PRDM6: variants seen among roughly 807,000 people sequenced by gnomAD.
PRDM6 encodes the protein PR/SET domain 6.
In PRDM6, 25 loss-of-function variants were observed where a neutral mutation model predicts 60.8. That is an observed-to-expected ratio of 0.41 (90% CI 0.30 to 0.57). The LOEUF (loss-of-function observed/expected upper bound fraction) is 0.57, where lower values mean the gene tolerates loss of function less well. Ranked by LOEUF, PRDM6 falls within the 20% of genes least tolerant of loss-of-function variation. PRDM6 has a pLI of 0.27. For synonymous variants in PRDM6, 407 were observed against 357.4 expected (o/e 1.14, Z -1.57); for missense variants, 839 against 821.3 (o/e 1.02, Z -0.26).
At chr5:123,120,218 G>C (rs190611816) in intron 3 of PRDM6, among the ~76,000 whole-genome samples, 101 of 152,328 alleles carry the variant, frequency 6.6e-4, no homozygotes, top group Middle Eastern at 3.4e-3. Context: ...TTTTAAAGAG[G>C]AACAAATGTG....
At position 123,193,604 on chromosome 5, in the gene PRDM6, C is replaced by A. The variant is rs918995527; in HGVS notation, c.*6403C>A. On this transcript the variant is annotated 3_prime_UTR_variant, in exon 8 of 8. Transcript: ENST00000407847. ...AGTATTTCATGAAAAAGCCTTCCCCCAGTTTAAATGCAGAGGCTAAGGTGA... is the reference window on the plus strand; with the variant it reads ...AGTATTTCATGAAAAAGCCTTCCCCAAGTTTAAATGCAGAGGCTAAGGTGA... The A allele has an allele frequency of 1.1e-4, 16 of 152,174 alleles. No individual in the cohort carries two copies. The highest frequency in any genetic ancestry group is 3.4e-4 in the African/African-American group (14 of 41,450). The allele number at this position is 152,174 out of a possible 1,614,324, so 9.4% of individuals were successfully genotyped here.
intron 3 of PRDM6, among the ~76,000 whole-genome samples, chr5:123,147,618 A>G (rs1765276456): frequency 6.6e-6 from 1 of 152,232 alleles, no homozygotes; most frequent in Non-Finnish European, 1.5e-5. Flanking sequence ...AGAGTACAAC[A>G]TCAAAGAGGG....
At position 123,188,872 on chromosome 5, in the gene PRDM6, A is replaced by G. The variant is rs964984980; in HGVS notation, c.*1671A>G. On this transcript the variant is annotated 3_prime_UTR_variant, in exon 8 of 8. Coordinates refer to ENST00000407847, the MANE Select transcript of PRDM6 (RefSeq NM_001136239.4). ...GCTACCACATTTTAAATGGAATTCA[A>G]CAGGGTCTAATTAATAAGTGTTTAC... 2.0e-5 allele frequency: 3 copies of G among 152,172 alleles called. No homozygotes were observed. Among genetic ancestry groups the G allele is most frequent in the Non-Finnish European group, 2.9e-5 (2 of 68,030 alleles). The allele number at this position is 152,172 out of a possible 1,614,324, so 9.4% of individuals were successfully genotyped here.
chr5:123,162,656 A>G (rs1765661199), intron 5 of PRDM6, among the ~76,000 whole-genome samples: 1 of 152,228 alleles, frequency 6.6e-6, no homozygotes. Context: ...TAAGCCATTG[A>G]CTAAAGTGCT....
At chr5:123,129,481 T>A (rs1764770500) in intron 3 of PRDM6, among the ~76,000 whole-genome samples, 1 of 152,182 alleles carries the variant, frequency 6.6e-6, no homozygotes, top group Non-Finnish European at 1.5e-5. Flanking sequence ...CTGAGGGATT[T>A]CTTATAGAGC....
At chr5:123,143,311 T>G (rs184373601) in intron 3 of PRDM6, among the ~76,000 whole-genome samples, 29 of 152,228 alleles carry the variant, frequency 1.9e-4, no homozygotes, top group African/African-American at 6.5e-4. Flanking sequence ...GCCTGAAGCT[T>G]CTCTATAGAC....
Position 123,131,655 on chromosome 5 carries a change from A to T in PRDM6, c.901-24229A>T, listed in dbSNP as rs186575191. On this transcript the variant is annotated intron_variant, in intron 3 of 7. Coordinates refer to ENST00000407847, the MANE Select transcript of PRDM6 (RefSeq NM_001136239.4). ...GAGTGGCTGTGTCTATCACAACACC[A>T]TGATGCATCGGAGTCATAAATTTTA... is the stretch of plus-strand genomic sequence containing the variant. Among the ~76,000 whole-genome samples the T allele has an allele frequency of 6.2e-4, 94 of 152,308 alleles. 1 individual carries two copies. The highest frequency in any genetic ancestry group is 2.2e-3 in the African/African-American group (93 of 41,578).
chr5:123,138,715 A>G (rs1282524220), intron 3 of PRDM6, among the ~76,000 whole-genome samples: 1 of 152,212 alleles, frequency 6.6e-6, no homozygotes, highest in Non-Finnish European at 1.5e-5. Flanking sequence ...TGGACACATT[A>G]GATGCCAAGT....
Position 123,089,643 on chromosome 5 carries a change from C to G in PRDM6, c.-16+124C>G, listed in dbSNP as rs914420938. ...CCTGGCGCCTGAGGCCAACGCGGCTCGGGCGCTGCGCCACGCCGGCTCGGG... is the reference window on the plus strand; with the variant it reads ...CCTGGCGCCTGAGGCCAACGCGGCTGGGGCGCTGCGCCACGCCGGCTCGGG... On this transcript the variant is annotated intron_variant, in intron 1 of 7. Transcript: ENST00000407847. The G allele has an allele frequency of 3.0e-4, 69 of 232,860 alleles. No homozygotes were observed. In the East Asian group the frequency reaches 7.3e-3, roughly 25 times the overall value. 14.4% of individuals were successfully genotyped at this position (232,860 alleles called of 1,614,324 possible). A position where few individuals can be genotyped will look rare whatever the true frequency, so the allele number is the denominator to read the frequency against.
chr5:123,100,811 T>A (rs1454923088), intron 3 of PRDM6, among the ~76,000 whole-genome samples: 2 of 152,240 alleles, frequency 1.3e-5, no homozygotes, highest in Non-Finnish European at 2.9e-5. Flanking sequence ...TGAGGTTCAC[T>A]TCTGAAGAGA....
At chr5:123,174,337 G>T (rs1256316460) in intron 6 of PRDM6, among the ~76,000 whole-genome samples, 3 of 152,184 alleles carry the variant, frequency 2.0e-5, no homozygotes, top group Non-Finnish European at 2.9e-5. Context: ...TGCCCATTCA[G>T]CCACTTACAG....
At chr5:123,166,319 A>G (rs1271771324) in intron 5 of PRDM6, among the ~76,000 whole-genome samples, 3 of 152,178 alleles carry the variant, frequency 2.0e-5, no homozygotes, top group Non-Finnish European at 4.4e-5. Flanking sequence ...TTGCACTTGT[A>G]TGATGCCCGT....
rs1054145267 is a variant in PRDM6 at position 123,161,571 on chromosome 5, A to G, written c.1153+1933A>G. ...GAACAAGCCATGTGTTAGTAGGTAG[A>G]AGAGCATTCCTGGCAGCCAGACAGT... On this transcript the variant is annotated intron_variant, in intron 5 of 7. Coordinates refer to ENST00000407847, the MANE Select transcript of PRDM6 (RefSeq NM_001136239.4). Among the ~76,000 whole-genome samples the G allele has an allele frequency of 5.3e-5, 8 of 152,212 alleles. No individual in the cohort carries two copies. The East Asian group carries it at 1.2e-3, about 22-fold the overall frequency.
intron 5 of PRDM6, among the ~76,000 whole-genome samples, chr5:123,160,228 C>A (rs573032456): frequency 6.6e-6 from 1 of 152,322 alleles, no homozygotes; most frequent in South Asian, 2.1e-4. Context: ...TTTCTCCTAT[C>A]TTTATTACCG....
At chr5:123,169,658 T>G (rs1198420793) in intron 5 of PRDM6, among the ~76,000 whole-genome samples, 1 of 152,214 alleles carries the variant, frequency 6.6e-6, no homozygotes, top group African/African-American at 2.4e-5. Context: ...GTGACTATTT[T>G]ACATTATACC....
At chr5:123,100,815 G>A (rs1267329429) in intron 3 of PRDM6, among the ~76,000 whole-genome samples, 1 of 152,208 alleles carries the variant, frequency 6.6e-6, no homozygotes, top group East Asian at 1.9e-4. Context: ...GTTCACTTCT[G>A]AAGAGATAGA....
chr5:123,119,394 GGA>G (rs1385579280), intron 3 of PRDM6, among the ~76,000 whole-genome samples: 1 of 152,148 alleles, frequency 6.6e-6, no homozygotes, highest in African/African-American at 2.4e-5. Flanking sequence ...AGAAGTGAAG[GGA>G]GAGACAGGTC....
intron 2 of PRDM6, among the ~76,000 whole-genome samples, chr5:123,098,050 G>C (rs1475982466): frequency 6.6e-6 from 1 of 152,168 alleles, no homozygotes; most frequent in African/African-American, 2.4e-5. Context: ...CAAATCGAGG[G>C]CTCCCTTACC....
chr5:123,145,285 T>G (rs1274340666), intron 3 of PRDM6, among the ~76,000 whole-genome samples: 1 of 152,198 alleles, frequency 6.6e-6, no homozygotes, highest in East Asian at 1.9e-4. Context: ...AGATAAGATG[T>G]CTTATGATTT....
Sources: gnomAD v4.1 joint callset for allele counts (sites outside exome capture counted in the v4.1 genomes callset) on GRCh38, gnomAD v4.1.1 for gene constraint, MANE v1.5 for transcripts, NCBI Gene and HGNC (gene_info 2026-07-23, HGNC 2026-07-21) for gene names.